The following LRRC37A2 variants were observed in gnomAD, a reference collection of about 807,000 sequenced individuals.
The protein encoded by LRRC37A2 is leucine rich repeat containing 37 member A2.
Under a neutral mutation model 68.8 loss-of-function variants are expected in LRRC37A2, and 9 were observed. The observed-to-expected ratio is 0.13, with a 90% CI of 0.08 to 0.23. The LOEUF (loss-of-function observed/expected upper bound fraction) is 0.23. Among genes scored for constraint, LRRC37A2 ranks in the 10% least tolerant of loss-of-function variants. LRRC37A2 has a pLI of 1.00. For missense variants in LRRC37A2, 168 were observed against 950.4 expected (o/e 0.18, Z 10.82); for synonymous variants, 63 against 367.6 (o/e 0.17, Z 9.48).
At chr17:46,467,751 G>A in the LRRC37A2 span, among the ~76,000 whole-genome samples, 14 of 105,178 alleles carry the variant, frequency 1.3e-4, 3 homozygotes, top group African/African-American at 4.7e-4. Context: ...CATCACTTCT[G>A]TAATTTTGGA....
the LRRC37A2 span, among the ~76,000 whole-genome samples, chr17:46,712,045 A>ACAT: frequency 6.6e-6 from 1 of 152,212 alleles, no homozygotes; most frequent in Non-Finnish European, 1.5e-5. Flanking sequence ...CAGTGAAGCC[A>ACAT]CATCATCATC....
the LRRC37A2 span, chr17:47,019,821 A>C: frequency 3.0e-6 from 4 of 1,345,342 alleles, no homozygotes; most frequent in South Asian, 4.6e-5. Flanking sequence ...CCTTTCCTCA[A>C]TTGCCCTCTG....
the LRRC37A2 span, among the ~76,000 whole-genome samples, chr17:46,711,767 T>C: frequency 6.6e-6 from 1 of 152,136 alleles, no homozygotes; most frequent in Non-Finnish European, 1.5e-5. Context: ...TCTAAAGGTC[T>C]GGGGGATGAG....
chr17:46,995,992 G>A, the LRRC37A2 span, among the ~76,000 whole-genome samples: 189 of 152,192 alleles, frequency 1.2e-3, 1 homozygote, highest in African/African-American at 4.5e-3. Flanking sequence ...TCCCCACTCA[G>A]CAGGATTCTG....
chr17:47,018,148 C>T, the LRRC37A2 span: 6 of 1,585,374 alleles, frequency 3.8e-6, no homozygotes, highest in Non-Finnish European at 5.2e-6. Flanking sequence ...ACAGAATCTT[C>T]CCAAACCCAG....
the LRRC37A2 span, among the ~76,000 whole-genome samples, chr17:46,753,585 C>A: frequency 6.6e-6 from 1 of 151,170 alleles, no homozygotes; most frequent in African/African-American, 2.4e-5. Context: ...TTGTCAGCTT[C>A]TTTTTTTTTA....
At chr17:46,941,138 T>G in the LRRC37A2 span, 2 of 1,018,976 alleles carry the variant, frequency 2.0e-6, no homozygotes, top group Non-Finnish European at 2.4e-6. Flanking sequence ...GAACTTGAGA[T>G]CTCTTTATTA....
the LRRC37A2 span, among the ~76,000 whole-genome samples, chr17:46,881,508 C>T: frequency 5.9e-5 from 9 of 152,244 alleles, no homozygotes; most frequent in African/African-American, 1.7e-4. Context: ...TTACCAAAGG[C>T]TATATCGCTA....
chr17:46,835,686 G>T, the LRRC37A2 span, among the ~76,000 whole-genome samples: 1 of 152,238 alleles, frequency 6.6e-6, no homozygotes, highest in African/African-American at 2.4e-5. Flanking sequence ...TGTCCCCAAA[G>T]CTCAGGGCTG....
chr17:46,973,720 G>C, the LRRC37A2 span, among the ~76,000 whole-genome samples: 1 of 152,130 alleles, frequency 6.6e-6, no homozygotes, highest in South Asian at 2.1e-4. Context: ...TTATTGACAA[G>C]AAAGAATCTT....
the LRRC37A2 span, among the ~76,000 whole-genome samples, chr17:46,738,550 G>C: frequency 2.0e-5 from 3 of 152,338 alleles, no homozygotes; most frequent in South Asian, 6.2e-4. Context: ...TTTCATGGGT[G>C]GGACTCAGCA....
the LRRC37A2 span, among the ~76,000 whole-genome samples, chr17:46,771,742 G>A: frequency 8.6e-6 from 1 of 115,736 alleles, no homozygotes; most frequent in African/African-American, 3.2e-5. Flanking sequence ...AATCCCCATT[G>A]AAGCGGCGCC....
chr17:46,737,570 TGC>T, the LRRC37A2 span, among the ~76,000 whole-genome samples: 23 of 93,914 alleles, frequency 2.4e-4, no homozygotes, highest in African/African-American at 5.2e-4. Context: ...AGGGTGTGTG[TGC>T]GTGTGTGTGT....
chr17:46,734,729 C>G, the LRRC37A2 span, among the ~76,000 whole-genome samples: 1 of 151,998 alleles, frequency 6.6e-6, no homozygotes, highest in African/African-American at 2.4e-5. Context: ...ATATATAGTA[C>G]ATATATATGT....
At chr17:47,018,696 C>T in the LRRC37A2 span, 3 of 1,520,284 alleles carry the variant, frequency 2.0e-6, no homozygotes, top group African/African-American at 4.1e-5. Context: ...TGCAGCTGAG[C>T]ATCCACAGAC....
At chr17:46,895,907 G>T in the LRRC37A2 span, among the ~76,000 whole-genome samples, 5 of 152,132 alleles carry the variant, frequency 3.3e-5, no homozygotes, top group African/African-American at 7.2e-5. Flanking sequence ...GAGCTTGAGG[G>T]GTGGGAGCCT....
the LRRC37A2 span, among the ~76,000 whole-genome samples, chr17:46,784,613 C>T: frequency 1.3e-5 from 2 of 152,014 alleles, no homozygotes; most frequent in South Asian, 2.1e-4. Flanking sequence ...TGGGCTCTCC[C>T]GAAACCTCAG....
the LRRC37A2 span, among the ~76,000 whole-genome samples, chr17:46,857,474 C>CAAA: frequency 3.7e-3 from 348 of 94,546 alleles, 3 homozygotes; most frequent in African/African-American, 0.011. Context: ...GACTCTGTCT[C>CAAA]AAAAAAAAAA....
chr17:46,708,824 T>TTA, the LRRC37A2 span, among the ~76,000 whole-genome samples: 1 of 58,560 alleles, frequency 1.7e-5, no homozygotes, highest in African/African-American at 6.5e-5. Context: ...ATATATATAT[T>TTA]TTTTTTTTTT....
Sources: gnomAD v4.1 joint callset for allele counts (sites outside exome capture counted in the v4.1 genomes callset) on GRCh38, gnomAD v4.1.1 for gene constraint, MANE v1.5 for transcripts, NCBI Gene and HGNC (gene_info 2026-07-23, HGNC 2026-07-21) for gene names.